Variants in FSHR observed in about 807,000 individuals in gnomAD.
The protein encoded by FSHR is follicle-stimulating hormone receptor.
FSHR carries 46 observed loss-of-function variants against 52.1 expected under a neutral mutation model. The ratio of observed to expected loss-of-function variants is 0.88; its 90% CI spans 0.70 to 1.13. FSHR has a LOEUF of 1.13. Among genes scored for constraint, FSHR ranks in the 50% most tolerant of loss-of-function variants. The probability of loss-of-function intolerance (pLI) is 0.00; values close to 1 mark genes in which losing one functional copy is unlikely to be tolerated. For synonymous variants in FSHR, 399 were observed against 309.6 expected, an observed-to-expected ratio of 1.29 and a Z score of -3.03; for missense variants, 964 against 834.6, an observed-to-expected ratio of 1.16 and a Z score of -1.91.
chr2:49,050,903 C>T (rs1668832260), intron 2 of FSHR, among the ~76,000 whole-genome samples: 1 of 152,118 alleles, frequency 6.6e-6, no homozygotes, highest in Non-Finnish European at 1.5e-5. Context: ...CCTAACACCA[C>T]CCTGGGAACC....
chr2:48,964,889 G>C (rs1326300238), intron 9 of FSHR, among the ~76,000 whole-genome samples: 1 of 151,702 alleles, frequency 6.6e-6, no homozygotes, highest in Non-Finnish European at 1.5e-5. Flanking sequence ...CCCCAGAGTA[G>C]TATATCAATA....
chr2:49,088,716 G>A (rs954307466), intron 1 of FSHR, among the ~76,000 whole-genome samples: 1 of 152,074 alleles, frequency 6.6e-6, no homozygotes, highest in Admixed American at 6.6e-5. Flanking sequence ...GTTGGTTTGG[G>A]GCTACTTCTG....
intron 8 of FSHR, among the ~76,000 whole-genome samples, chr2:48,973,524 ATAATGTT>A (rs1438387801): frequency 6.6e-6 from 1 of 152,268 alleles, no homozygotes; most frequent in Non-Finnish European, 1.5e-5. Context: ...TGAGGTCTCC[ATAATGTT>A]TAACAGTTGA....
intron 8 of FSHR, among the ~76,000 whole-genome samples, chr2:48,982,051 G>C (rs1202245751): frequency 1.3e-5 from 2 of 152,062 alleles, no homozygotes; most frequent in African/African-American, 4.8e-5. Context: ...TTTTCAGTCA[G>C]TAAGTGTAGT....
At chr2:49,131,149 G>A (rs1272079524) in intron 1 of FSHR, among the ~76,000 whole-genome samples, 1 of 151,928 alleles carries the variant, frequency 6.6e-6, no homozygotes, top group Non-Finnish European at 1.5e-5. Flanking sequence ...GGGGAGATAG[G>A]TTATTTAAAA....
At chr2:49,145,498 C>T (rs1338364165) in intron 1 of FSHR, among the ~76,000 whole-genome samples, 1 of 152,078 alleles carries the variant, frequency 6.6e-6, no homozygotes, top group African/African-American at 2.4e-5. Flanking sequence ...AGGCCAATGG[C>T]TGTCTTCTTA....
At chr2:49,107,427 A>G (rs755164495) in intron 1 of FSHR, among the ~76,000 whole-genome samples, 46 of 152,108 alleles carry the variant, frequency 3.0e-4, no homozygotes, top group Non-Finnish European at 5.7e-4. Context: ...CTCTAGGCTG[A>G]CCTGGCTGTT....
At chr2:49,098,479 G>A (rs541791227) in intron 1 of FSHR, among the ~76,000 whole-genome samples, 1 of 151,926 alleles carries the variant, frequency 6.6e-6, no homozygotes, top group South Asian at 2.1e-4. Context: ...CATGTGAAAG[G>A]GAGGAATGAA....
chr2:49,149,586 C>T (rs1041480182), intron 1 of FSHR, among the ~76,000 whole-genome samples: 1 of 152,052 alleles, frequency 6.6e-6, no homozygotes, highest in Non-Finnish European at 1.5e-5. Flanking sequence ...CTGTTTCACT[C>T]TTAAGACATC....
chr2:49,045,223 G>T (rs1252133769), intron 2 of FSHR, among the ~76,000 whole-genome samples: 1 of 152,056 alleles, frequency 6.6e-6, no homozygotes. Context: ...CATTTCTCTT[G>T]TATCCTCTAC....
At chr2:49,140,631 C>T (rs1414380671) in intron 1 of FSHR, among the ~76,000 whole-genome samples, 1 of 151,634 alleles carries the variant, frequency 6.6e-6, no homozygotes, top group Non-Finnish European at 1.5e-5. Context: ...ACCCAAGAGG[C>T]AGAGGTTGCA....
At chr2:48,984,341 C>G (rs981018857) in intron 6 of FSHR, among the ~76,000 whole-genome samples, 1 of 152,196 alleles carries the variant, frequency 6.6e-6, no homozygotes, top group African/African-American at 2.4e-5. Flanking sequence ...CTCTCCCAGG[C>G]ACATCTGGAC....
chr2:49,101,416 T>G (rs1255069355), intron 1 of FSHR, among the ~76,000 whole-genome samples: 1 of 152,066 alleles, frequency 6.6e-6, no homozygotes, highest in Non-Finnish European at 1.5e-5. Flanking sequence ...TGAACAGGAC[T>G]GAAAGACTCT....
chr2:48,974,217 G>T (rs999774967), intron 8 of FSHR, among the ~76,000 whole-genome samples: 9 of 152,186 alleles, frequency 5.9e-5, no homozygotes, highest in Non-Finnish European at 1.3e-4. Context: ...GAGCAACCTT[G>T]TGCAATGCCA....
chr2:49,008,995 G>A (rs1559130079), intron 4 of FSHR, among the ~76,000 whole-genome samples: 1 of 151,406 alleles, frequency 6.6e-6, no homozygotes, highest in African/African-American at 2.4e-5. Context: ...CCCTCTGATG[G>A]TAGTTTCTTT....
chr2:49,045,965 A>G (rs1668639586), intron 2 of FSHR, among the ~76,000 whole-genome samples: 1 of 152,228 alleles, frequency 6.6e-6, no homozygotes, highest in South Asian at 2.1e-4. Flanking sequence ...GACAGGCAAC[A>G]TGGCACAAAA....
chr2:48,968,352 G>A (rs1674570708), intron 9 of FSHR, among the ~76,000 whole-genome samples: 1 of 152,176 alleles, frequency 6.6e-6, no homozygotes, highest in Admixed American at 6.5e-5. Flanking sequence ...CACAGTTTGG[G>A]ACTTGAAGGA....
At chr2:48,985,691 G>C (rs1203942491) in intron 6 of FSHR, among the ~76,000 whole-genome samples, 1 of 129,948 alleles carries the variant, frequency 7.7e-6, no homozygotes, top group African/African-American at 2.9e-5. Flanking sequence ...AGGGGAGCAA[G>C]TACAGGTTTT....
chr2:49,087,414 C>T (rs1276581854), intron 1 of FSHR, among the ~76,000 whole-genome samples: 1 of 152,092 alleles, frequency 6.6e-6, no homozygotes, highest in Non-Finnish European at 1.5e-5. Context: ...AGCCAGAGAG[C>T]ATTCACTTGT....
Sources: gnomAD v4.1 joint callset for allele counts (sites outside exome capture counted in the v4.1 genomes callset) on GRCh38, gnomAD v4.1.1 for gene constraint, MANE v1.5 for transcripts, NCBI Gene and HGNC (gene_info 2026-07-23, HGNC 2026-07-21) for gene names.